Variants in SYCP1 observed in about 807,000 individuals in gnomAD.
The protein encoded by SYCP1 is synaptonemal complex protein 1.
A neutral mutation model predicts 153.1 loss-of-function variants in SYCP1; 64 were observed. The observed-to-expected ratio is 0.42, with a 90% CI of 0.34 to 0.51. SYCP1 has a LOEUF of 0.51. Ranked by LOEUF, SYCP1 falls within the 20% of genes least tolerant of loss-of-function variation. The pLI is 0.06. For synonymous variants in SYCP1, 384 were observed against 341.8 expected (o/e 1.12, Z -1.36); for missense variants, 997 against 1,049.0 (o/e 0.95, Z 0.68).
Position 114,911,464 on chromosome 1 carries a change from A to G in SYCP1, c.1426-15A>G, listed in dbSNP as rs1038626844. ...CGAAAAACACTTGCCATAGTTATAT[A>G]TGTTTATTTTGCAGAAAGAAGTACA... On this transcript the variant is annotated splice_polypyrimidine_tract_variant and intron_variant, in intron 17 of 31. Transcript: ENST00000369522. The G allele has an allele frequency of 1.3e-6, 2 of 1,516,562 alleles. No homozygotes were observed. The highest frequency in any genetic ancestry group is 1.8e-6 in the Non-Finnish European group (2 of 1,128,874). The allele number at this position is 1,516,562 out of a possible 1,614,324, so 93.9% of individuals were successfully genotyped here.
At chr1:114,922,547 G>A (rs528126666) in intron 20 of SYCP1, among the ~76,000 whole-genome samples, 2 of 152,098 alleles carry the variant, frequency 1.3e-5, no homozygotes, top group African/African-American at 4.8e-5. Context: ...ACATCCAAAT[G>A]TTGCAAGAGT....
chr1:114,960,448 G>GT (rs2101880406), intron 27 of SYCP1, among the ~76,000 whole-genome samples: 1 of 152,262 alleles, frequency 6.6e-6, no homozygotes, highest in African/African-American at 2.4e-5. Flanking sequence ...GATTACGGGC[G>GT]TGAGCCACCA....
At chr1:114,950,769 A>G (rs1417377584) in intron 27 of SYCP1, among the ~76,000 whole-genome samples, 1 of 152,086 alleles carries the variant, frequency 6.6e-6, no homozygotes, top group Admixed American at 6.6e-5. Context: ...TATCTAGCTA[A>G]TGATGAATGC....
At chr1:114,979,873 T>C (rs961202937) in intron 28 of SYCP1, among the ~76,000 whole-genome samples, 1 of 151,862 alleles carries the variant, frequency 6.6e-6, no homozygotes, top group Non-Finnish European at 1.5e-5. Context: ...GAAAAGACCA[T>C]ATGATGTACC....
intron 16 of SYCP1, among the ~76,000 whole-genome samples, chr1:114,900,369 C>G (rs985246422): frequency 6.6e-6 from 1 of 152,108 alleles, no homozygotes; most frequent in Admixed American, 6.5e-5. Flanking sequence ...CAACCTCTGC[C>G]TCCCAGGTTC....
chr1:114,956,925 T>G (rs983398265), intron 27 of SYCP1, among the ~76,000 whole-genome samples: 7 of 152,124 alleles, frequency 4.6e-5, no homozygotes, highest in Non-Finnish European at 8.8e-5. Context: ...TTGTCACACA[T>G]CCACAAGCAT....
intron 12 of SYCP1, among the ~76,000 whole-genome samples, chr1:114,880,702 C>T (rs983435598): frequency 3.3e-5 from 5 of 152,152 alleles, no homozygotes; most frequent in African/African-American, 1.2e-4. Flanking sequence ...ATGCCCAGAT[C>T]GGCAGATGTC....
intron 30 of SYCP1, 141 bp downstream of exon 30, chr1:114,985,009 G>A: frequency 7.8e-6 from 3 of 385,246 alleles, no homozygotes; most frequent in African/African-American, 2.1e-5. Flanking sequence ...CTAAAATGCA[G>A]ATCCTTGTGC....
rs1199051159 is a variant in SYCP1, at chr1:114,994,768, G to A, written c.2774G>A (p.Cys925Tyr). 1.3e-6 allele frequency: 2 copies of A among 1,592,048 alleles called. No homozygotes were observed. The highest frequency in any genetic ancestry group is 1.7e-6 in the Non-Finnish European group (2 of 1,172,960). The change falls in exon 31 of 32, where the codon TGT (cysteine) becomes TAT (tyrosine). Residue 925 changes from cysteine to tyrosine, a missense_variant. Transcript: ENST00000369522. ...RNNNPPASHL[C>Y]VKTPKKAPSS... ...AATAATCCACCAGCTTCTCATCTTTGTGTCAAAACACCAAAAAAGGTAGCT... is the reference window on the plus strand; with the variant it reads ...AATAATCCACCAGCTTCTCATCTTTATGTCAAAACACCAAAAAAGGTAGCT...
intron 16 of SYCP1, among the ~76,000 whole-genome samples, chr1:114,905,148 C>CT (rs1667733016): frequency 6.6e-6 from 1 of 152,018 alleles, no homozygotes; most frequent in Non-Finnish European, 1.5e-5. Context: ...GATTTCTTTT[C>CT]TTTTGCTATC....
At chr1:114,878,743 T>G (rs982183076) in intron 12 of SYCP1, among the ~76,000 whole-genome samples, 4 of 152,074 alleles carry the variant, frequency 2.6e-5, no homozygotes, top group African/African-American at 9.7e-5. Flanking sequence ...GGTTTTCGCC[T>G]TGTTGGCCAG....
intron 8 of SYCP1, among the ~76,000 whole-genome samples, chr1:114,866,858 T>A (rs900481486): frequency 4.6e-5 from 7 of 152,012 alleles, no homozygotes; most frequent in Non-Finnish European, 1.0e-4. Context: ...TATGATAAAT[T>A]TTGAGTTAAT....
intron 16 of SYCP1, among the ~76,000 whole-genome samples, chr1:114,907,634 T>G (rs1247166604): frequency 2.0e-5 from 3 of 150,668 alleles, no homozygotes; most frequent in Non-Finnish European, 4.4e-5. Context: ...CAGGCTGGAG[T>G]GCAGTGGCAT....
chr1:114,899,544 C>G (rs1437694203), intron 16 of SYCP1, among the ~76,000 whole-genome samples: 1 of 152,074 alleles, frequency 6.6e-6, no homozygotes, highest in East Asian at 1.9e-4. Context: ...TATTATAAAC[C>G]ATCTTTTGAA....
chr1:114,911,622 A>G, intron 18 of SYCP1, 40 bp downstream of exon 18: 3 of 1,035,330 alleles, frequency 2.9e-6, no homozygotes, highest in Non-Finnish European at 4.0e-6. Flanking sequence ...TATGTACTCA[A>G]TTCCTAAGCT....
intron 29 of SYCP1, among the ~76,000 whole-genome samples, chr1:114,982,813 T>G (rs1421331945): frequency 6.6e-6 from 1 of 151,912 alleles, no homozygotes; most frequent in Non-Finnish European, 1.5e-5. Context: ...TTGTTTAAAC[T>G]GGCCATTTAA....
chr1:114,919,586 C>T (rs1421405824), intron 20 of SYCP1, among the ~76,000 whole-genome samples: 1 of 151,900 alleles, frequency 6.6e-6, no homozygotes, highest in Non-Finnish European at 1.5e-5. Flanking sequence ...GATATTAATT[C>T]TTTAAATGTT....
At chr1:114,944,553 T>A in intron 24 of SYCP1, 98 bp downstream of exon 24, 1 of 766,366 alleles carries the variant, frequency 1.3e-6, no homozygotes, top group Non-Finnish European at 2.1e-6. Context: ...ACTATTAAAT[T>A]ACAATTTTAG....
chr1:114,972,389 T>C (rs1234653969), intron 27 of SYCP1, among the ~76,000 whole-genome samples: 1 of 152,136 alleles, frequency 6.6e-6, no homozygotes, highest in Non-Finnish European at 1.5e-5. Flanking sequence ...GTTGATCTTT[T>C]GTATCATTTT....
Sources: gnomAD v4.1 joint callset for allele counts (sites outside exome capture counted in the v4.1 genomes callset) on GRCh38, gnomAD v4.1.1 for gene constraint, MANE v1.5 for transcripts, NCBI Gene and HGNC (gene_info 2026-07-23, HGNC 2026-07-21) for gene names.